The following RNLS variants were observed in gnomAD, a reference collection of about 807,000 sequenced individuals.
RNLS encodes the protein renalase, FAD dependent amine oxidase.
A neutral mutation model predicts 39.8 loss-of-function variants in RNLS; 39 were observed. That is an observed-to-expected ratio of 0.98 (90% CI 0.76 to 1.28). RNLS has a LOEUF of 1.28. RNLS is among the 50% of genes most tolerant of loss of function. The pLI, the probability that RNLS is intolerant of heterozygous loss-of-function variation, is 0.00. For missense variants in RNLS, 410 were observed against 413.3 expected, an observed-to-expected ratio of 0.99 and a Z score of 0.07; for synonymous variants, 147 against 150.7, an observed-to-expected ratio of 0.98 and a Z score of 0.18.
At chr10:88,259,086 T>G in the RNLS span, 2 of 152,216 alleles carry the variant, frequency 1.3e-5, no homozygotes, top group Non-Finnish European at 2.9e-5. Flanking sequence ...TACTTTCTAC[T>G]TATCATTATT....
chr10:88,336,666 C>T (rs1002375365), intron 5 of RNLS, among the ~76,000 whole-genome samples: 8 of 152,144 alleles, frequency 5.3e-5, no homozygotes, highest in African/African-American at 1.4e-4. Context: ...GTTCTGTCTT[C>T]GTCAGCTGAG....
At chr10:88,449,396 C>G (rs2133887937) in intron 4 of RNLS, among the ~76,000 whole-genome samples, 1 of 152,312 alleles carries the variant, frequency 6.6e-6, no homozygotes, top group South Asian at 2.1e-4. Flanking sequence ...GTTTAATTAG[C>G]TGAACAGGCA....
chr10:88,334,874 A>G (rs567708548), intron 5 of RNLS, among the ~76,000 whole-genome samples: 3 of 152,174 alleles, frequency 2.0e-5, no homozygotes, highest in Admixed American at 6.5e-5. Context: ...CTGTAGTTCA[A>G]GTTCATTGAG....
chr10:88,387,860 G>A (rs1182562437), intron 4 of RNLS, among the ~76,000 whole-genome samples: 2 of 152,176 alleles, frequency 1.3e-5, no homozygotes, highest in Non-Finnish European at 2.9e-5. Context: ...GTAGTTTAGC[G>A]GGCAATGCAG....
At position 88,314,659 on chromosome 10, in the gene RNLS, C is replaced by A. The variant is rs748300995; in HGVS notation, c.701-18G>T. ...TGATGACTCTGTGGCATAAGAGGAT[C>A]ATAAAGATGCATCTTAAAGTGGGTA... is the stretch of plus-strand genomic sequence containing the variant. On this transcript the variant is annotated intron_variant, in intron 5 of 6. Transcript: ENST00000331772. The A allele has an allele frequency of 9.4e-6, 15 of 1,603,844 alleles. No homozygotes were observed. The highest frequency in any genetic ancestry group is 1.2e-5 in the Non-Finnish European group (14 of 1,173,838).
intron 5 of RNLS, among the ~76,000 whole-genome samples, chr10:88,356,102 C>T (rs1427455913): frequency 6.6e-6 from 1 of 152,188 alleles, no homozygotes; most frequent in Non-Finnish European, 1.5e-5. Flanking sequence ...ACTGATTTTC[C>T]AAGTGCTGTC....
chr10:88,460,656 A>AC (rs1176182880), intron 4 of RNLS, among the ~76,000 whole-genome samples: 1 of 152,132 alleles, frequency 6.6e-6, no homozygotes, highest in African/African-American at 2.4e-5. Context: ...ATATAGTGCT[A>AC]CCCCCAAATA....
At chr10:88,321,235 C>A (rs1223076477) in intron 5 of RNLS, among the ~76,000 whole-genome samples, 1 of 152,024 alleles carries the variant, frequency 6.6e-6, no homozygotes, top group Non-Finnish European at 1.5e-5. Context: ...AAGCACAAAT[C>A]AAAATATGTT....
intron 4 of RNLS, among the ~76,000 whole-genome samples, chr10:88,525,535 G>C (rs917545610): frequency 2.6e-5 from 4 of 151,908 alleles, no homozygotes; most frequent in African/African-American, 9.7e-5. Flanking sequence ...TGGCTTCCTG[G>C]GCCCTGCGTA....
chr10:88,217,481 T>C, the RNLS span, among the ~76,000 whole-genome samples: 925 of 151,892 alleles, frequency 6.1e-3, 3 homozygotes, highest in Non-Finnish European at 7.6e-3. Flanking sequence ...ACTCTAGGAG[T>C]GTGATCTGAT....
the RNLS span, among the ~76,000 whole-genome samples, chr10:88,190,747 A>G: frequency 2.6e-5 from 4 of 152,156 alleles, no homozygotes; most frequent in African/African-American, 9.7e-5. Flanking sequence ...GTTTATACAC[A>G]TCTGTGCTTG....
the RNLS span, among the ~76,000 whole-genome samples, chr10:88,205,597 CAA>C: frequency 6.6e-6 from 1 of 152,098 alleles, no homozygotes; most frequent in Admixed American, 6.6e-5. Flanking sequence ...GAAAGAAATA[CAA>C]AGAGGCCAAG....
At chr10:88,181,804 T>C in the RNLS span, among the ~76,000 whole-genome samples, 1 of 152,190 alleles carries the variant, frequency 6.6e-6, no homozygotes, top group Non-Finnish European at 1.5e-5. Flanking sequence ...TTGGTTTCTA[T>C]AGTGTTTACA....
At chr10:88,321,818 C>CA (rs1564692766) in intron 5 of RNLS, among the ~76,000 whole-genome samples, 1 of 151,764 alleles carries the variant, frequency 6.6e-6, no homozygotes, top group African/African-American at 2.4e-5. Flanking sequence ...ATCTACAAAC[C>CA]AAAAAAGAAA....
intron 6 of RNLS, among the ~76,000 whole-genome samples, chr10:88,299,998 A>C (rs1012545422): frequency 1.3e-5 from 2 of 152,226 alleles, no homozygotes; most frequent in African/African-American, 4.8e-5. Context: ...GCAAAAAAAG[A>C]ATGATATAAG....
intron 4 of RNLS, among the ~76,000 whole-genome samples, chr10:88,416,747 C>T (rs1375485777): frequency 6.6e-6 from 1 of 152,124 alleles, no homozygotes; most frequent in Non-Finnish European, 1.5e-5. Flanking sequence ...TGTCCTAGCT[C>T]CCATCCTATT....
the RNLS span, among the ~76,000 whole-genome samples, chr10:88,237,469 G>A: frequency 6.6e-6 from 1 of 152,076 alleles, no homozygotes. Flanking sequence ...AATGTCTCTG[G>A]CAAGCAACAG....
intron 6 of RNLS, 98 bp from the exon 7 acceptor site, chr10:88,285,604 C>T (rs1843206272): frequency 1.4e-5 from 14 of 1,006,598 alleles, no homozygotes; most frequent in Non-Finnish European, 1.8e-5. Context: ...CTGGAGAAAT[C>T]AAGATTTCTC....
intron 4 of RNLS, among the ~76,000 whole-genome samples, chr10:88,486,315 G>T (rs878959663): frequency 6.6e-6 from 1 of 152,098 alleles, no homozygotes; most frequent in African/African-American, 2.4e-5. Flanking sequence ...AACAGGCAAA[G>T]ATTTCATGAC....
Sources: gnomAD v4.1 joint callset for allele counts (sites outside exome capture counted in the v4.1 genomes callset) on GRCh38, gnomAD v4.1.1 for gene constraint, MANE v1.5 for transcripts, NCBI Gene and HGNC (gene_info 2026-07-23, HGNC 2026-07-21) for gene names.